The following EXOC4 variants were observed in gnomAD, a reference collection of about 807,000 sequenced individuals.
EXOC4 encodes the protein exocyst complex component 4.
A neutral mutation model predicts 107.2 loss-of-function variants in EXOC4; 71 were observed. That is an observed-to-expected ratio of 0.66 (90% CI 0.55 to 0.81). The LOEUF (loss-of-function observed/expected upper bound fraction) is 0.81, where lower values mean the gene tolerates loss of function less well. Ranked by LOEUF, EXOC4 falls within the 30% of genes least tolerant of loss-of-function variation. EXOC4 has a pLI of 0.00. For synonymous variants in EXOC4, 456 were observed against 441.2 expected, an observed-to-expected ratio of 1.03 and a Z score of -0.42; for missense variants, 1,108 against 1,189.6, an observed-to-expected ratio of 0.93 and a Z score of 1.01.
chr7:134,047,990 T>C (rs1795695289), intron 17 of EXOC4, among the ~76,000 whole-genome samples: 1 of 152,186 alleles, frequency 6.6e-6, no homozygotes, highest in Admixed American at 6.5e-5. Flanking sequence ...TTTTTAAAGA[T>C]AATTTGGTGG....
intron 5 of EXOC4, among the ~76,000 whole-genome samples, chr7:133,317,839 GC>G (rs1795026377): frequency 6.6e-6 from 1 of 152,020 alleles, no homozygotes; most frequent in Non-Finnish European, 1.5e-5. Context: ...CTGCCACCAT[GC>G]CCAGCTAATT....
At chr7:133,589,184 T>G (rs1801482168) in intron 9 of EXOC4, among the ~76,000 whole-genome samples, 1 of 152,186 alleles carries the variant, frequency 6.6e-6, no homozygotes. Flanking sequence ...CTTTTTTACA[T>G]TACTAACTGA....
intron 9 of EXOC4, among the ~76,000 whole-genome samples, chr7:133,538,264 G>A (rs931457304): frequency 5.9e-5 from 9 of 151,990 alleles, no homozygotes; most frequent in African/African-American, 2.2e-4. Context: ...TTTCATTATC[G>A]GTCATCCTTC....
chr7:133,789,237 C>T (rs553761701), intron 10 of EXOC4, among the ~76,000 whole-genome samples: 3 of 152,206 alleles, frequency 2.0e-5, no homozygotes, highest in South Asian at 4.2e-4. Flanking sequence ...GCATCTATTC[C>T]GGAAATGTGA....
At chr7:134,069,310 T>TCC (rs67106949), downstream of EXOC4, among the ~76,000 whole-genome samples, 4 of 130,228 alleles carry the variant, frequency 3.1e-5, no homozygotes, top group African/African-American at 1.2e-4. Flanking sequence ...TCCTCCTCCT[T>TCC]TCTTCCTTCT....
intron 10 of EXOC4, among the ~76,000 whole-genome samples, chr7:133,633,009 A>T (rs2151017533): frequency 6.6e-6 from 1 of 152,310 alleles, no homozygotes; most frequent in East Asian, 1.9e-4. Context: ...TTGGTTCAGG[A>T]CTAGGCTCCT....
chr7:134,066,826 A>G (rs1796183786), downstream of EXOC4, among the ~76,000 whole-genome samples: 1 of 152,152 alleles, frequency 6.6e-6, no homozygotes, highest in African/African-American at 2.4e-5. Flanking sequence ...TCTTGTGTGA[A>G]GACCTCTCCC....
At chr7:134,008,803 A>T (rs76900052) in intron 17 of EXOC4, among the ~76,000 whole-genome samples, 1 of 151,590 alleles carries the variant, frequency 6.6e-6, no homozygotes, top group Non-Finnish European at 1.5e-5. Flanking sequence ...TAATTTTTAT[A>T]TTTTTTTTAT....
At position 133,973,047 on chromosome 7, in the gene EXOC4, G is replaced by A. The variant is rs111562331; in HGVS notation, c.2207-24445G>A. Among the ~76,000 whole-genome samples the A allele has an allele frequency of 2.4e-3, 366 of 152,262 alleles. 1 individual carries two copies. Among genetic ancestry groups the A allele is most frequent in the South Asian group, 0.011 (54 of 4,830 alleles). ...TGCACTATCTTATGAGGACATTAGA[G>A]AAGATATTCATTTATTCAGGAAGTA... is the stretch of plus-strand genomic sequence containing the variant. On this transcript the variant is annotated intron_variant, in intron 14 of 17. Coordinates refer to ENST00000253861, the MANE Select transcript of EXOC4 (RefSeq NM_021807.4).
chr7:133,399,389 C>T (rs1158480666), intron 7 of EXOC4, among the ~76,000 whole-genome samples: 2 of 152,152 alleles, frequency 1.3e-5, no homozygotes, highest in Non-Finnish European at 2.9e-5. Flanking sequence ...ACCCACTAAA[C>T]ACTTGTGTCA....
chr7:134,083,044 C>A, the EXOC4 span, among the ~76,000 whole-genome samples: 1 of 152,192 alleles, frequency 6.6e-6, no homozygotes. Context: ...AGGGTGGAAT[C>A]TTTCTGGAAT....
intron 11 of EXOC4, among the ~76,000 whole-genome samples, chr7:133,862,705 A>G (rs974458252): frequency 1.3e-5 from 2 of 152,168 alleles, no homozygotes; most frequent in Admixed American, 6.6e-5. Flanking sequence ...TAAGCTATAG[A>G]TACATATATA....
intron 9 of EXOC4, among the ~76,000 whole-genome samples, chr7:133,552,457 T>G (rs1312544507): frequency 2.0e-5 from 3 of 152,204 alleles, no homozygotes. Flanking sequence ...CTGCAGGTGT[T>G]TTATTAATAT....
At chr7:133,406,634 G>T (rs1797227189) in intron 7 of EXOC4, among the ~76,000 whole-genome samples, 1 of 152,150 alleles carries the variant, frequency 6.6e-6, no homozygotes, top group Non-Finnish European at 1.5e-5. Context: ...AGGAACTTTA[G>T]AGAAAGAAAT....
At chr7:133,772,718 A>G (rs971192685) in intron 10 of EXOC4, among the ~76,000 whole-genome samples, 8 of 152,072 alleles carry the variant, frequency 5.3e-5, no homozygotes, top group Non-Finnish European at 8.8e-5. Context: ...GAAATTCTCT[A>G]GTCCAATCAT....
intron 7 of EXOC4, among the ~76,000 whole-genome samples, chr7:133,407,840 C>A (rs1242398979): frequency 1.3e-5 from 2 of 152,128 alleles, no homozygotes; most frequent in African/African-American, 4.8e-5. Context: ...TTTCTAGATG[C>A]ACACCTGGTG....
At chr7:133,989,228 A>G (rs909148624) in intron 14 of EXOC4, among the ~76,000 whole-genome samples, 1 of 152,236 alleles carries the variant, frequency 6.6e-6, no homozygotes, top group Non-Finnish European at 1.5e-5. Flanking sequence ...TATCACCTAT[A>G]AAAAGAGAAT....
intron 9 of EXOC4, among the ~76,000 whole-genome samples, chr7:133,508,745 G>T (rs567576312): frequency 1.3e-5 from 2 of 152,120 alleles, no homozygotes; most frequent in Non-Finnish European, 2.9e-5. Flanking sequence ...ACTAGAGATG[G>T]GAAAGTAGGA....
At position 133,630,120 on chromosome 7, in the gene EXOC4, TC is replaced by T; in HGVS notation, c.1494del (p.Ile499TyrfsTer6). The T allele has an allele frequency of 6.2e-7, 1 of 1,613,640 alleles. No individual in the cohort carries two copies. Among genetic ancestry groups the T allele is most frequent in the African/African-American group, 1.3e-5 (1 of 75,014 alleles). On this transcript the variant is annotated frameshift_variant, in exon 10 of 18. Coordinates refer to ENST00000253861, the MANE Select transcript of EXOC4 (RefSeq NM_021807.4). LOFTEE classifies it high-confidence loss of function. Reference protein sequence around the residue: ...VCKPGARNITVIFHPLLRFIQ... With the variant: ...VCKPGARNITXIFHPLLRFIQ... ...AAACCTGGAGCCAGAAACATTACCG[TC>T]ATATTCCACCCATTACTAAGGTAAG...
Sources: gnomAD v4.1 joint callset for allele counts (sites outside exome capture counted in the v4.1 genomes callset) on GRCh38, gnomAD v4.1.1 for gene constraint, MANE v1.5 for transcripts, NCBI Gene and HGNC (gene_info 2026-07-23, HGNC 2026-07-21) for gene names.